Variants in PSD observed in about 807,000 individuals in gnomAD.
The protein encoded by PSD is PH and SEC7 domain-containing protein 1.
A neutral mutation model predicts 91.6 loss-of-function variants in PSD; 32 were observed. The observed-to-expected ratio is 0.35, with a 90% CI of 0.26 to 0.47. The LOEUF (loss-of-function observed/expected upper bound fraction) is 0.47, where lower values mean the gene tolerates loss of function less well. PSD is among the 20% of genes least tolerant of loss of function. The probability of loss-of-function intolerance (pLI) is 1.00; values close to 1 mark genes in which losing one functional copy is unlikely to be tolerated. For synonymous variants in PSD, 532 were observed against 569.3 expected, an observed-to-expected ratio of 0.93 and a Z score of 0.93; for missense variants, 1,099 against 1,373.9, an observed-to-expected ratio of 0.80 and a Z score of 3.16.
Position 102,416,124 on chromosome 10 carries a change from G to A in PSD, c.655-5C>T. The A allele has an allele frequency of 6.2e-7, 1 of 1,605,596 alleles. No individual in the cohort carries two copies. Among genetic ancestry groups the A allele is most frequent in the Non-Finnish European group, 8.5e-7 (1 of 1,173,300 alleles). ...GGGGGAGGACCAGGTATCCCCCTGA[G>A]CCAACGAGGGAGACACAGGCACCCA... On this transcript the variant is annotated splice_region_variant and splice_polypyrimidine_tract_variant and intron_variant, in intron 2 of 16. Transcript: ENST00000020673. This position sits in a 1 kb window ranked among gnomAD's most constrained non-coding sequence, Gnocchi z 6.0.
At position 102,409,491 on chromosome 10, in the gene PSD, G is replaced by T. The variant is rs2061403474; in HGVS notation, c.2091+1367C>A. On this transcript the variant is annotated intron_variant, in intron 10 of 16. Transcript: ENST00000020673. This position sits in a 1 kb window ranked among gnomAD's most constrained non-coding sequence, Gnocchi z 5.7. ...CTGTGACGCTGGGCGGACCCGGCAGGGTCTGGAACTCCCTTCTGGCTGGTC... is the reference window on the plus strand; with the variant it reads ...CTGTGACGCTGGGCGGACCCGGCAGTGTCTGGAACTCCCTTCTGGCTGGTC... 6.6e-6 allele frequency among the ~76,000 whole-genome samples: 1 copy of T among 152,170 alleles called. No individual in the cohort carries two copies. The highest frequency in any genetic ancestry group is 2.1e-4 in the South Asian group (1 of 4,830).
rs770404390 is a variant in PSD, at chr10:102,403,960, G to C, written c.2726C>G (p.Ala909Gly). 6.4e-7 allele frequency: 1 copy of C among 1,568,306 alleles called. No individual in the cohort carries two copies. Among genetic ancestry groups the C allele is most frequent in the Non-Finnish European group, 8.6e-7 (1 of 1,158,070 alleles). The change falls in exon 16 of 17, where the codon GCC becomes GGC. Residue 909 changes from alanine to glycine, a missense_variant. By Grantham distance (60) the Ala-to-Gly change is moderately conservative (BLOSUM62 0). This residue lies in a region of PSD where 358 missense variants were observed against 426.5 expected (regional missense o/e 0.84). Coordinates refer to ENST00000020673, the MANE Select transcript of PSD (RefSeq NM_002779.5). The surrounding 1 kb of genome is among the most constrained non-coding windows in gnomAD (Gnocchi z 6.7). ...SQEEQVRTHEAKLKAMASELR... is the reference protein window; with the variant it reads ...SQEEQVRTHEGKLKAMASELR... ...CTCACTTGCCATGGCCTTCAGCTTG[G>C]CCTCGTGGGTCCGCACCTGCTCCTC...
rs2061399549 is a variant in PSD at position 102,409,201 on chromosome 10, G to A, written c.2091+1657C>T. 1.0e-6 allele frequency: 1 copy of A among 982,150 alleles called. No homozygotes were observed. The allele number at this position is 982,150 out of a possible 1,614,324, so 60.8% of individuals were successfully genotyped here. A position where few individuals can be genotyped will look rare whatever the true frequency, so the allele number is the denominator to read the frequency against. ...GCTCCCCCGACAGCCAGCGCGAGCGGCGCGGCCCGGCCCGAGCCGGCCCGG... is the reference window on the plus strand; with the variant it reads ...GCTCCCCCGACAGCCAGCGCGAGCGACGCGGCCCGGCCCGAGCCGGCCCGG... On this transcript the variant is annotated intron_variant, in intron 10 of 16. Transcript: ENST00000020673. The surrounding 1 kb of genome is among the most constrained non-coding windows in gnomAD (Gnocchi z 5.7).
rs903555312 is a variant in PSD at position 102,409,462 on chromosome 10, G to C, written c.2091+1396C>G. On this transcript the variant is annotated intron_variant, in intron 10 of 16. Coordinates refer to ENST00000020673, the MANE Select transcript of PSD (RefSeq NM_002779.5). The surrounding 1 kb of genome is among the most constrained non-coding windows in gnomAD (Gnocchi z 5.7). The stretch of plus-strand genomic sequence containing the variant: ...GGAGGCTGAGAGCACCGCTAGGCCT[G>C]GGGCTGTGACGCTGGGCGGACCCGG... Among the ~76,000 whole-genome samples the C allele has an allele frequency of 3.3e-5, 5 of 152,180 alleles. No homozygotes were observed. Among genetic ancestry groups the C allele is most frequent in the African/African-American group, 1.2e-4 (5 of 41,456 alleles).
Position 102,416,693 on chromosome 10 carries a change from C to A in PSD, c.346G>T (p.Gly116Trp). Residue 116 changes from glycine (G) to tryptophan (W), a missense_variant, in exon 2 of 17, where the codon GGG becomes TGG. This residue lies in a region of PSD where 631 missense variants were observed against 728.8 expected (regional missense o/e 0.87). Transcript: ENST00000020673. The surrounding 1 kb of genome is among the most constrained non-coding windows in gnomAD (Gnocchi z 6.0). The part of the protein sequence containing the change: ...VEKASVRPLN[G>W]LPAPGGLSRS... The stretch of plus-strand genomic sequence containing the variant: ...CTCAAGCCCCCTGGAGCAGGTAGCC[C>A]ATTCAGTGGCCTCACACTGGCCTTC... The A allele has an allele frequency of 6.2e-7, 1 of 1,606,922 alleles. No homozygotes were observed. Among genetic ancestry groups the A allele is most frequent in the Non-Finnish European group, 8.5e-7 (1 of 1,176,850 alleles).
chr10:102,416,446 C>A lies in PSD; in HGVS notation c.593G>T (p.Gly198Val), dbSNP rs748144645. ...GAGTGTGGCCAGGCGCTCAGGGGGG[C>A]CCCCCAGCCCATTGGGGAGAGAGGA... is the stretch of plus-strand genomic sequence containing the variant. ...LYSSLPNGLG[G>V]PPERLATLFG... The change falls in exon 2 of 17, where the codon GGC becomes GTC. Residue 198 changes from glycine (G) to valine (V), a missense_variant. Physicochemically the swap from Gly to Val is moderately radical, Grantham distance 109 (BLOSUM62 -3). Transcript: ENST00000020673. This position sits in a 1 kb window ranked among gnomAD's most constrained non-coding sequence, Gnocchi z 6.0. The A allele has an allele frequency of 2.5e-6, 4 of 1,610,890 alleles. No homozygotes were observed. The highest frequency in any genetic ancestry group is 3.4e-6 in the Non-Finnish European group (4 of 1,178,674).
rs1565228789 is a variant in PSD at position 102,416,212 on chromosome 10, A to G, written c.655-93T>C. On this transcript the variant is annotated intron_variant, in intron 2 of 16. Transcript: ENST00000020673. This position sits in a 1 kb window ranked among gnomAD's most constrained non-coding sequence, Gnocchi z 6.0. Reference sequence around the variant, plus strand: ...GACAGAAACAGAAATTAAAACATGCATCGACAGAGATGGAGGTTCAGAGAC... The same window carrying G: ...GACAGAAACAGAAATTAAAACATGCGTCGACAGAGATGGAGGTTCAGAGAC... 2 of 1,198,618 alleles carry G rather than the reference A, an allele frequency of 1.7e-6. No individual in the cohort carries two copies. The highest frequency in any genetic ancestry group is 2.8e-5 in the South Asian group (2 of 70,402). 74.2% of individuals were successfully genotyped at this position (1,198,618 alleles called of 1,614,324 possible).
chr10:102,409,789 C>T lies in PSD; in HGVS notation c.2091+1069G>A, dbSNP rs1034163705. Among the ~76,000 whole-genome samples, 5 of 152,148 alleles carry T rather than the reference C, an allele frequency of 3.3e-5. No individual in the cohort carries two copies. On this transcript the variant is annotated intron_variant, in intron 10 of 16. Coordinates refer to ENST00000020673, the MANE Select transcript of PSD (RefSeq NM_002779.5). This position sits in a 1 kb window ranked among gnomAD's most constrained non-coding sequence, Gnocchi z 5.7. ...AGATGGACACTTCAAAACTTAGAAT[C>T]TTTAGCTCACAAAGATACACCCCCT...
intron 10 of PSD, chr10:102,408,913 G>C (rs1344136954): frequency 1.0e-6 from 1 of 987,374 alleles, no homozygotes; most frequent in Non-Finnish European, 1.2e-6. Flanking sequence ...TCTTCTTGCG[G>C]CTCTGCAGGC....
chr10:102,412,525 C>T lies in PSD; in HGVS notation c.1604G>A (p.Ser535Asn). 6.2e-7 allele frequency: 1 copy of T among 1,613,952 alleles called. No homozygotes were observed. The highest frequency in any genetic ancestry group is 8.5e-7 in the Non-Finnish European group (1 of 1,179,968). ...GCTTCCCAGGGCCAGCCGCTCTGTG[C>T]TGTCCAGCTCTGAGTCTGAGTCGGA... ...LVSDSDSELDSTERLALGSTD... is the reference protein window; with the variant it reads ...LVSDSDSELDNTERLALGSTD... Residue 535 changes from serine (S) to asparagine (N), a missense_variant, in exon 6 of 17, where the codon AGC becomes AAC. By Grantham distance (46) the Ser-to-Asn change is conservative (BLOSUM62 1). Around this residue, in one of 3 missense-constraint regions of PSD, gnomAD observed 631 missense variants for 728.8 expected, o/e 0.87. Coordinates refer to ENST00000020673, the MANE Select transcript of PSD (RefSeq NM_002779.5).
Position 102,414,316 on chromosome 10 carries a change from A to G in PSD, c.1125-119T>C. On this transcript the variant is annotated intron_variant, in intron 4 of 16. Coordinates refer to ENST00000020673, the MANE Select transcript of PSD (RefSeq NM_002779.5). The surrounding 1 kb of genome is among the most constrained non-coding windows in gnomAD (Gnocchi z 5.6). ...TTATCATCCCCTTTTCACTGGCTCC[A>G]GCCCACTAACAAAAAAGAGCCTCTA... 9.6e-7 allele frequency: 1 copy of G among 1,036,930 alleles called. No homozygotes were observed. The highest frequency in any genetic ancestry group is 1.4e-6 in the Non-Finnish European group (1 of 719,186). 64.2% of individuals were successfully genotyped at this position (1,036,930 alleles called of 1,614,324 possible). A position where few individuals can be genotyped will look rare whatever the true frequency, so the allele number is the denominator to read the frequency against.
Position 102,404,852 on chromosome 10 carries a change from G to C in PSD, c.2555+46C>G. On this transcript the variant is annotated intron_variant, in intron 14 of 16. Coordinates refer to ENST00000020673, the MANE Select transcript of PSD (RefSeq NM_002779.5). This position sits in a 1 kb window ranked among gnomAD's most constrained non-coding sequence, Gnocchi z 5.7. Reference sequence around the variant, plus strand: ...CAGGGACAGGGAGGGGAGCAGGATGGGAGGTGGGGGAAGGGGTCCGGGATG... The same window carrying C: ...CAGGGACAGGGAGGGGAGCAGGATGCGAGGTGGGGGAAGGGGTCCGGGATG... 2 of 1,601,672 alleles carry C rather than the reference G, an allele frequency of 1.2e-6. No homozygotes were observed. The highest frequency in any genetic ancestry group is 1.7e-6 in the Non-Finnish European group (2 of 1,172,888).
chr10:102,416,011 C>G lies in PSD; in HGVS notation c.757+6G>C, dbSNP rs762219637. On this transcript the variant is annotated splice_donor_region_variant and intron_variant, in intron 3 of 16. Transcript: ENST00000020673. The surrounding 1 kb of genome is among the most constrained non-coding windows in gnomAD (Gnocchi z 6.0). ...CTGTTCTCCCTGCCTCAGTCCCAGGCCTTACCTGAGCTGGGGGGGTCCAAG... is the reference window on the plus strand; with the variant it reads ...CTGTTCTCCCTGCCTCAGTCCCAGGGCTTACCTGAGCTGGGGGGGTCCAAG... 86 of 1,609,800 alleles carry G rather than the reference C, an allele frequency of 5.3e-5. No homozygotes were observed. In the Middle Eastern group the frequency reaches 1.3e-3, roughly 25 times the overall value.
At chr10:102,418,165 C>G (rs911923636) in intron 1 of PSD, among the ~76,000 whole-genome samples, 6 of 151,130 alleles carry the variant, frequency 4.0e-5, no homozygotes, top group African/African-American at 1.5e-4. Flanking sequence ...CTGGCACACA[C>G]ACAGACACAC....
At position 102,410,450 on chromosome 10, in the gene PSD, TG is replaced by T. The variant is rs1203679573; in HGVS notation, c.2091+407del. On this transcript the variant is annotated intron_variant, in intron 10 of 16. Coordinates refer to ENST00000020673, the MANE Select transcript of PSD (RefSeq NM_002779.5). This position sits in a 1 kb window ranked among gnomAD's most constrained non-coding sequence, Gnocchi z 6.0. ...CGCAGCAGCACCGGGAAGGTCTTTTTGGCTGTCCACGCGGCGGGGGAGCAGT... is the reference window on the plus strand; with the variant it reads ...CGCAGCAGCACCGGGAAGGTCTTTTTGCTGTCCACGCGGCGGGGGAGCAGT... Among the ~76,000 whole-genome samples, 1 of 152,216 alleles carries T rather than the reference TG, an allele frequency of 6.6e-6. No homozygotes were observed. The highest frequency in any genetic ancestry group is 1.5e-5 in the Non-Finnish European group (1 of 68,024).
In PSD at chr10:102,416,200, A is replaced by G. The variant is rs992163264; in HGVS notation, c.655-81T>C. ...ACAAGAATATGGGACAGAAACAGAA[A>G]TTAAAACATGCATCGACAGAGATGG... is the stretch of plus-strand genomic sequence containing the variant. On this transcript the variant is annotated intron_variant, in intron 2 of 16. Coordinates refer to ENST00000020673, the MANE Select transcript of PSD (RefSeq NM_002779.5). This position sits in a 1 kb window ranked among gnomAD's most constrained non-coding sequence, Gnocchi z 6.0. The G allele has an allele frequency of 4.7e-6, 6 of 1,267,342 alleles. No individual in the cohort carries two copies. Among genetic ancestry groups the G allele is most frequent in the Non-Finnish European group, 5.6e-6 (5 of 898,296 alleles). 78.5% of individuals were successfully genotyped at this position (1,267,342 alleles called of 1,614,324 possible).
At chr10:102,418,790 C>T, upstream of PSD, 1 of 454,042 alleles carries the variant, frequency 2.2e-6, no homozygotes, top group South Asian at 1.6e-5. Context: ...CCGTTTGCTC[C>T]AGGCCCGCCC....
rs1366553268 is a variant in PSD at position 102,412,244 on chromosome 10, GAGAC to G, written c.1749-21_1749-18del. On this transcript the variant is annotated intron_variant, in intron 6 of 16. Coordinates refer to ENST00000020673, the MANE Select transcript of PSD (RefSeq NM_002779.5). ...AAGTCATTGCTGTGGGCAGGGCAGAGAGACAGGTAGGGTCTCAAGGGGAAGTGCA... is the reference window on the plus strand; with the variant it reads ...AAGTCATTGCTGTGGGCAGGGCAGAGAGGTAGGGTCTCAAGGGGAAGTGCA... 6.2e-7 allele frequency: 1 copy of G among 1,613,980 alleles called. No individual in the cohort carries two copies. Among genetic ancestry groups the G allele is most frequent in the South Asian group, 1.1e-5 (1 of 91,082 alleles).
rs201335911 is a variant in PSD, at chr10:102,415,042, G to A, written c.945C>T (p.Ile315=). The change falls in exon 4 of 17, where the codon ATC becomes ATT. Residue 315 remains isoleucine (I), a synonymous_variant. Transcript: ENST00000020673. The part of the protein sequence containing the change: ...LAEREEADSA[I]ESQPSSEGPP... ...GGCCCTCAGAGCTGGGCTGACTTTC[G>A]ATGGCCGAGTCGGCCTCCTCCCGCT... is the stretch of plus-strand genomic sequence containing the variant. 19 of 1,613,884 alleles carry A rather than the reference G, an allele frequency of 1.2e-5. No homozygotes were observed. Among genetic ancestry groups the A allele is most frequent in the Admixed American group, 3.3e-5 (2 of 60,016 alleles).
Sources: gnomAD v4.1 joint callset for allele counts (sites outside exome capture counted in the v4.1 genomes callset) on GRCh38, gnomAD v4.1.1 for gene constraint, gnomAD v4.1.1 regional missense constraint, Gnocchi (gnomAD v3.1) non-coding constraint, MANE v1.5 for transcripts, NCBI Gene and HGNC (gene_info 2026-07-23, HGNC 2026-07-21) for gene names.